Variants in TBL1X observed in about 807,000 individuals in gnomAD.
TBL1X encodes the protein transducin beta like 1 X-linked.
A neutral mutation model predicts 50.7 loss-of-function variants in TBL1X; 10 were observed. The observed-to-expected ratio is 0.20, with a 90% CI of 0.12 to 0.33. The LOEUF (loss-of-function observed/expected upper bound fraction) is 0.33. TBL1X is among the 10% of genes least tolerant of loss of function. The pLI is 1.00. For missense variants in TBL1X, 340 were observed against 504.4 expected (o/e 0.67, Z 3.12); for synonymous variants, 190 against 214.7 (o/e 0.88, Z 1.01).
intron 12 of TBL1X, among the ~76,000 whole-genome samples, chrX:9,704,186 G>A (rs983006445): frequency 2.7e-5 from 3 of 112,116 alleles, no homozygotes; most frequent in Non-Finnish European, 5.6e-5. Context: ...TGTGCGTTCC[G>A]TTTCATCCCA....
chrX:9,611,808 G>A (rs1362672270), intron 2 of TBL1X, among the ~76,000 whole-genome samples: 1 of 111,914 alleles, frequency 8.9e-6, no homozygotes, highest in Non-Finnish European at 1.9e-5. Flanking sequence ...GGAGGGGGTG[G>A]CACAGGTGTT....
At chrX:9,615,350 G>A (rs1410667449) in intron 2 of TBL1X, among the ~76,000 whole-genome samples, 2 of 111,763 alleles carry the variant, frequency 1.8e-5, no homozygotes, top group Non-Finnish European at 3.8e-5. Context: ...TTGTGTCTGA[G>A]TACCCATGTA....
chrX:9,573,939 C>A lies in TBL1X; in HGVS notation c.-130-66334C>A, dbSNP rs970605766. Among the ~76,000 whole-genome samples the A allele has an allele frequency of 2.7e-5, 3 of 112,260 alleles. No individual in the cohort carries two copies. In the South Asian group the frequency reaches 1.1e-3, roughly 41 times the overall value. On this transcript the variant is annotated intron_variant, in intron 2 of 17. Transcript: ENST00000645353. ...CAGTCAGCTGGCGGAACAGGGTAGGCCAGGGGAGACAGCACTCCACCCTGC... is the reference window on the plus strand; with the variant it reads ...CAGTCAGCTGGCGGAACAGGGTAGGACAGGGGAGACAGCACTCCACCCTGC...
intron 2 of TBL1X, among the ~76,000 whole-genome samples, chrX:9,607,411 G>A (rs903503372): frequency 1.8e-5 from 2 of 113,388 alleles, no homozygotes; most frequent in Non-Finnish European, 3.7e-5. Context: ...GCTGGTGCTG[G>A]CACCGCCTCA....
At chrX:9,627,190 G>T (rs1049575086) in intron 2 of TBL1X, among the ~76,000 whole-genome samples, 2 of 111,679 alleles carry the variant, frequency 1.8e-5, no homozygotes, top group African/African-American at 6.5e-5. Flanking sequence ...GAATTGCACA[G>T]ATCAAAAGTG....
At chrX:9,502,017 C>G (rs2521384) in intron 2 of TBL1X, among the ~76,000 whole-genome samples, 168 bp downstream of exon 2, 46,152 of 111,260 alleles carry the variant, frequency 0.41, 7,283 homozygotes, top group Admixed American at 0.55. Flanking sequence ...GGTAGCCATG[C>G]GCCACATGTG....
chrX:9,585,992 A>C (rs925538951), intron 2 of TBL1X, among the ~76,000 whole-genome samples: 3 of 112,160 alleles, frequency 2.7e-5, no homozygotes, highest in East Asian at 2.8e-4. Flanking sequence ...AAACCAACCC[A>C]AAAAATAGTA....
intron 1 of TBL1X, among the ~76,000 whole-genome samples, chrX:9,487,179 A>G (rs1031104696): frequency 1.8e-5 from 2 of 111,750 alleles, no homozygotes; most frequent in Admixed American, 9.5e-5. Flanking sequence ...TCATTCCTCT[A>G]AAGTGTGTAA....
chrX:9,715,527 G>A (rs761157229), intron 17 of TBL1X, among the ~76,000 whole-genome samples: 196 of 111,887 alleles, frequency 1.8e-3, no homozygotes, highest in Non-Finnish European at 2.8e-3. Flanking sequence ...GCATTTGTGC[G>A]TCCGGATCTA....
rs1379039659 is a variant in TBL1X at position 9,688,088 on chromosome X, G to A, written c.429G>A (p.Val143=). ...SLIDAVMPDV[V]QTRQQAFREK... ...TAGACGCCGTGATGCCCGACGTGGT[G>A]CAGACGCGGCAGCAGGCATTCCGAG... The change falls in exon 7 of 18, where the codon GTG becomes GTA. Residue 143 remains valine, a synonymous_variant. Coordinates refer to ENST00000645353, the MANE Select transcript of TBL1X (RefSeq NM_005647.4). 1 of 1,211,337 alleles carries A rather than the reference G, an allele frequency of 8.3e-7. No homozygotes were observed. Among genetic ancestry groups the A allele is most frequent in the Non-Finnish European group, 1.1e-6 (1 of 895,237 alleles).
Position 9,697,331 on chromosome X carries a change from A to G in TBL1X, c.1054-38A>G, listed in dbSNP as rs751804503. Reference sequence around the variant, plus strand: ...ATGTTTCCAGAGAAAACTTTGCCAGAATAGTTACTAACTTTTTCCTTTGTT... The same window carrying G: ...ATGTTTCCAGAGAAAACTTTGCCAGGATAGTTACTAACTTTTTCCTTTGTT... On this transcript the variant is annotated intron_variant, in intron 11 of 17. Transcript: ENST00000645353. 36 of 1,201,611 alleles carry G rather than the reference A, an allele frequency of 3.0e-5. No homozygotes were observed. In the African/African-American group the frequency reaches 5.4e-4, roughly 18 times the overall value.
At position 9,716,690 on chromosome X, in the gene TBL1X, G is replaced by T. The variant is rs1238978534; in HGVS notation, c.*444G>T. On this transcript the variant is annotated 3_prime_UTR_variant, in exon 18 of 18. Transcript: ENST00000645353. ...TTTTTTTGTTTTCCCTAACAATTTG[G>T]ACACTACAATTGCTCTCACAAAGGA... 2 of 117,758 alleles carry T rather than the reference G, an allele frequency of 1.7e-5. No individual in the cohort carries two copies. Among genetic ancestry groups the T allele is most frequent in the Non-Finnish European group, 3.5e-5 (2 of 57,783 alleles). 9.7% of individuals were successfully genotyped at this position (117,758 alleles called of 1,213,427 possible).
At chrX:9,688,728 G>T (rs1474991723) in intron 7 of TBL1X, among the ~76,000 whole-genome samples, 1 of 112,734 alleles carries the variant, frequency 8.9e-6, no homozygotes, top group Non-Finnish European at 1.9e-5. Flanking sequence ...CAGGACATCA[G>T]TCCCTGTTAG....
Position 9,714,962 on chromosome X carries a change from G to T in TBL1X, c.1666G>T (p.Ala556Ser). 8.3e-7 allele frequency: 1 copy of T among 1,211,653 alleles called. No individual in the cohort carries two copies. The highest frequency in any genetic ancestry group is 1.1e-6 in the Non-Finnish European group (1 of 895,412). ...TGGIFEVCWN[A>S]RGDKVGASAS... ...CGGCATCTTCGAGGTGTGCTGGAAC[G>T]CCCGAGGAGACAAAGTGGGTGCCAG... Residue 556 changes from alanine (A) to serine (S), a missense_variant, in exon 17 of 18, where the codon GCC (alanine) becomes TCC (serine). By Grantham distance (99) the Ala-to-Ser change is moderately conservative (BLOSUM62 1). Around this residue, in one of 6 missense-constraint regions of TBL1X, gnomAD observed 170 missense variants for 272.6 expected, o/e 0.62. Transcript: ENST00000645353.
chrX:9,716,580 C>A lies in TBL1X; in HGVS notation c.*334C>A. ...TCTGTGATGGCTGAATGGAAAGAAA[C>A]GTAAAAAGCTGTGCCAAAAAAAAAG... is the stretch of plus-strand genomic sequence containing the variant. On this transcript the variant is annotated 3_prime_UTR_variant, in exon 18 of 18. Transcript: ENST00000645353. The A allele has an allele frequency of 6.7e-6, 1 of 149,726 alleles. No homozygotes were observed. The highest frequency in any genetic ancestry group is 8.3e-5 in the Admixed American group (1 of 12,076). 12.3% of individuals were successfully genotyped at this position (149,726 alleles called of 1,213,427 possible).
chrX:9,580,114 G>A (rs865909049), intron 2 of TBL1X, among the ~76,000 whole-genome samples: 1 of 111,951 alleles, frequency 8.9e-6, no homozygotes, highest in Non-Finnish European at 1.9e-5. Context: ...AAGGTGGTGG[G>A]GGCACAACTT....
At chrX:9,672,674 TC>T (rs1197670763) in intron 5 of TBL1X, among the ~76,000 whole-genome samples, 3 of 111,266 alleles carry the variant, frequency 2.7e-5, no homozygotes, top group Non-Finnish European at 5.6e-5. Flanking sequence ...ACTCCTCCCC[TC>T]CAAGTCACGG....
chrX:9,606,194 A>G (rs188337019), intron 2 of TBL1X, among the ~76,000 whole-genome samples: 431 of 111,467 alleles, frequency 3.9e-3, no homozygotes, highest in Non-Finnish European at 6.9e-3. Flanking sequence ...CTGTGGATCA[A>G]CCTGGTGAAT....
intron 5 of TBL1X, 126 bp downstream of exon 5, chrX:9,654,448 C>A: frequency 1.4e-6 from 1 of 740,375 alleles, no homozygotes; most frequent in Non-Finnish European, 2.0e-6. Context: ...GTTCTTAGTG[C>A]TGATGGGGAG....
Sources: gnomAD v4.1 joint callset for allele counts (sites outside exome capture counted in the v4.1 genomes callset) on GRCh38, gnomAD v4.1.1 for gene constraint, gnomAD v4.1.1 regional missense constraint, MANE v1.5 for transcripts, NCBI Gene and HGNC (gene_info 2026-07-23, HGNC 2026-07-21) for gene names.